The following AP3D1 variants were observed in gnomAD, a reference collection of about 807,000 sequenced individuals.
The protein encoded by AP3D1 is AP-3 complex subunit delta-1.
A neutral mutation model predicts 147.6 loss-of-function variants in AP3D1; 51 were observed. That is an observed-to-expected ratio of 0.35 (90% CI 0.28 to 0.44). The LOEUF (loss-of-function observed/expected upper bound fraction) is 0.44, where lower values mean the gene tolerates loss of function less well. Among genes scored for constraint, AP3D1 ranks in the 20% least tolerant of loss-of-function variants. AP3D1 has a pLI of 1.00. For missense variants in AP3D1, 1,421 were observed against 1,624.2 expected, an observed-to-expected ratio of 0.87 and a Z score of 2.15; for synonymous variants, 760 against 663.0, an observed-to-expected ratio of 1.15 and a Z score of -2.25.
chr19:2,148,545 A>T (rs1364098036), intron 1 of AP3D1, among the ~76,000 whole-genome samples: 2 of 152,236 alleles, frequency 1.3e-5, no homozygotes, highest in Non-Finnish European at 2.9e-5. Context: ...GGACTGGAAA[A>T]CAGTGAACTA....
At chr19:2,128,499 G>A (rs1367694582) in intron 8 of AP3D1, among the ~76,000 whole-genome samples, 2 of 128,096 alleles carry the variant, frequency 1.6e-5, no homozygotes, top group African/African-American at 6.3e-5. Context: ...ACCCCGTGGA[G>A]CCGGCCCGCC....
intron 8 of AP3D1, among the ~76,000 whole-genome samples, chr19:2,128,589 C>CA (rs1256000607): frequency 1.4e-5 from 1 of 71,382 alleles, no homozygotes; most frequent in African/African-American, 5.2e-5. Context: ...CGGCCCGCCC[C>CA]CGCCGCTCCG....
rs758324940 is a variant in AP3D1, at chr19:2,121,761, C to T, written c.1074G>A (p.Leu358=). The change falls in exon 12 of 32, where the codon CTG becomes CTA. Residue 358 remains leucine, a synonymous_variant. Coordinates refer to ENST00000643116, the MANE Select transcript of AP3D1 (RefSeq NM_001261826.3). ...CLDDKDESIR[L]RALDLLYGMV... ...TCCCATAGAGCAGGTCCAGGGCCCG[C>T]AGCCGGATGGACTCGTCCTTGTCGT... The T allele has an allele frequency of 1.2e-6, 2 of 1,609,944 alleles. No homozygotes were observed. Among genetic ancestry groups the T allele is most frequent in the East Asian group, 2.2e-5 (1 of 44,824 alleles).
intron 1 of AP3D1, among the ~76,000 whole-genome samples, chr19:2,156,583 G>T (rs919399836): frequency 5.3e-5 from 8 of 151,448 alleles, no homozygotes; most frequent in Non-Finnish European, 4.4e-5. Flanking sequence ...GGGCGCGGTG[G>T]CTCACGCCTG....
At chr19:2,136,899 CA>C in intron 4 of AP3D1, 111 bp downstream of exon 4, 1 of 1,035,050 alleles carries the variant, frequency 9.7e-7, no homozygotes, top group Admixed American at 2.0e-5. Context: ...CGCTCGCACT[CA>C]AGGGGGCCAC....
chr19:2,107,545 C>T (rs1333862051), intron 31 of AP3D1, among the ~76,000 whole-genome samples: 1 of 151,648 alleles, frequency 6.6e-6, no homozygotes, highest in East Asian at 1.9e-4. Context: ...TTGAGACCAT[C>T]CTGGCTAACA....
chr19:2,110,002 C>A, intron 28 of AP3D1, 44 bp from the exon 29 acceptor site: 1 of 1,607,644 alleles, frequency 6.2e-7, no homozygotes, highest in South Asian at 1.1e-5. Context: ...GGAGTCGGGC[C>A]CAGCTCAGGG....
At chr19:2,142,106 C>T (rs1014461643) in intron 1 of AP3D1, among the ~76,000 whole-genome samples, 5 of 150,780 alleles carry the variant, frequency 3.3e-5, no homozygotes, top group African/African-American at 1.2e-4. Context: ...TAACCTCCGC[C>T]TCCCGGGTTC....
At chr19:2,153,946 A>ATTT (rs879565994), upstream of AP3D1, among the ~76,000 whole-genome samples, 1 of 74,402 alleles carries the variant, frequency 1.3e-5, no homozygotes, top group African/African-American at 3.4e-5. Context: ...CCCAGCCTGA[A>ATTT]TTTTTTTTTT....
At chr19:2,125,670 A>T (rs1053154545) in intron 9 of AP3D1, among the ~76,000 whole-genome samples, 5 of 152,210 alleles carry the variant, frequency 3.3e-5, no homozygotes, top group African/African-American at 1.2e-4. Context: ...TTCTTAAAAT[A>T]GGTGTATAGA....
chr19:2,122,684 G>A (rs975881389), intron 11 of AP3D1, among the ~76,000 whole-genome samples: 3 of 152,226 alleles, frequency 2.0e-5, no homozygotes, highest in African/African-American at 7.2e-5. Context: ...GTATGTGATC[G>A]CGGTCTCTCT....
chr19:2,155,394 G>A (rs2019636930), upstream of AP3D1, among the ~76,000 whole-genome samples: 1 of 149,010 alleles, frequency 6.7e-6, no homozygotes, highest in South Asian at 2.1e-4. Context: ...AAAATTAGCT[G>A]GGTGTGTCAC....
chr19:2,103,330 T>TGAGGCAGCCA (rs1351690758), intron 31 of AP3D1, among the ~76,000 whole-genome samples: 5 of 152,086 alleles, frequency 3.3e-5, no homozygotes, highest in Non-Finnish European at 5.9e-5. Flanking sequence ...CTGAGGGCCC[T>TGAGGCAGCCA]GAGGCAGCCA....
intron 14 of AP3D1, 63 bp downstream of exon 14, chr19:2,120,799 C>CCTGG: frequency 1.3e-6 from 2 of 1,510,804 alleles, no homozygotes; most frequent in Non-Finnish European, 1.8e-6. Flanking sequence ...CAGGCACATC[C>CCTGG]CTGGTCCCTA....
intron 3 of AP3D1, 91 bp from the exon 4 acceptor site, chr19:2,137,182 G>T: frequency 8.5e-7 from 1 of 1,180,994 alleles, no homozygotes; most frequent in South Asian, 1.3e-5. Context: ...ACCAGGCAGC[G>T]CCAGCCCAGA....
chr19:2,130,397 A>G lies in AP3D1; in HGVS notation c.592+11T>C, dbSNP rs199807635. The G allele has an allele frequency of 6.2e-7, 1 of 1,613,776 alleles. No homozygotes were observed. The highest frequency in any genetic ancestry group is 2.2e-5 in the East Asian group (1 of 44,882). On this transcript the variant is annotated intron_variant, in intron 6 of 31. Coordinates refer to ENST00000643116, the MANE Select transcript of AP3D1 (RefSeq NM_001261826.3). ...ACCCTCAACCCTGAGGCTTAACTCA[A>G]ATCCACAAACCGGGGTCGGGGTCCT...
At chr19:2,116,075 A>C (rs2018439210) in intron 18 of AP3D1, 132 bp downstream of exon 18, 1 of 872,704 alleles carries the variant, frequency 1.1e-6, no homozygotes. Context: ...AAGGCTCCGC[A>C]CAGTCACCGT....
rs557401329 is a variant in AP3D1, at chr19:2,125,458, G to A, written c.857-1579C>T. 5.3e-5 allele frequency among the ~76,000 whole-genome samples: 8 copies of A among 152,224 alleles called. No homozygotes were observed. In the South Asian group the frequency reaches 1.7e-3, roughly 32 times the overall value. Reference sequence around the variant, plus strand: ...AGCCTCCCAAGTAGTCGGGATTACAGGCGCCCGACACCAAGCCCTGCTAAT... The same window carrying A: ...AGCCTCCCAAGTAGTCGGGATTACAAGCGCCCGACACCAAGCCCTGCTAAT... On this transcript the variant is annotated intron_variant, in intron 9 of 31. Coordinates refer to ENST00000643116, the MANE Select transcript of AP3D1 (RefSeq NM_001261826.3).
chr19:2,130,564 G>C (rs1051624228), intron 5 of AP3D1, 27 bp from the exon 6 acceptor site: 1 of 1,612,020 alleles, frequency 6.2e-7, no homozygotes, highest in African/African-American at 1.3e-5. Context: ...TTCAGCCTGC[G>C]CGGGCTTTCT....
Sources: gnomAD v4.1 joint callset for allele counts (sites outside exome capture counted in the v4.1 genomes callset) on GRCh38, gnomAD v4.1.1 for gene constraint, MANE v1.5 for transcripts, NCBI Gene and HGNC (gene_info 2026-07-23, HGNC 2026-07-21) for gene names.